The following CCDC77 variants were observed in gnomAD, a reference collection of about 807,000 sequenced individuals.
CCDC77 encodes coiled-coil domain containing 77, also known as coiled-coil domain-containing protein 77.
A neutral mutation model predicts 66.8 loss-of-function variants in CCDC77; 56 were observed. That is an observed-to-expected ratio of 0.84 (90% CI 0.68 to 1.05). The LOEUF is 1.05. Ranked by LOEUF, CCDC77 falls within the 50% of genes least tolerant of loss-of-function variation. CCDC77 has a pLI of 0.00. For synonymous variants in CCDC77, 196 were observed against 195.2 expected, an observed-to-expected ratio of 1.00 and a Z score of -0.03; for missense variants, 570 against 576.8, an observed-to-expected ratio of 0.99 and a Z score of 0.12.
intron 4 of CCDC77, among the ~76,000 whole-genome samples, chr12:413,185 A>T (rs1315127851): frequency 6.9e-6 from 1 of 145,850 alleles, no homozygotes; most frequent in African/African-American, 2.6e-5. Context: ...TGATCTGCCC[A>T]CCTCGGCCTC....
At chr12:422,192 T>TA (rs144287663) in intron 5 of CCDC77, among the ~76,000 whole-genome samples, 4,482 of 82,296 alleles carry the variant, frequency 0.054, no homozygotes, top group Non-Finnish European at 0.11. Context: ...AGTGAGAGGG[T>TA]AAATACACAC....
rs187453067 is a variant in CCDC77, at chr12:404,115, G to A, written c.-70-1396G>A. 9.7e-4 allele frequency among the ~76,000 whole-genome samples: 148 copies of A among 152,274 alleles called. 3 individuals carry two copies. In the East Asian group the frequency reaches 0.026, roughly 27 times the overall value. ...GTGGATCATCTGAGGTCAGGAGTTCGAGACCAGCCTGGCCAACATGGCGAA... is the reference window on the plus strand; with the variant it reads ...GTGGATCATCTGAGGTCAGGAGTTCAAGACCAGCCTGGCCAACATGGCGAA... On this transcript the variant is annotated intron_variant, in intron 1 of 12. Coordinates refer to ENST00000239830, the MANE Select transcript of CCDC77 (RefSeq NM_032358.4).
chr12:410,153 C>A (rs990889401), intron 3 of CCDC77, among the ~76,000 whole-genome samples: 1 of 152,136 alleles, frequency 6.6e-6, no homozygotes, highest in Non-Finnish European at 1.5e-5. Flanking sequence ...TTAACTATAA[C>A]TCAGAGCTTC....
rs1278150894 is a variant in CCDC77 at position 403,441 on chromosome 12, A to C, written c.-71+1757A>C. On this transcript the variant is annotated intron_variant, in intron 1 of 12. Transcript: ENST00000239830. ...CTAATAAGAGGCAGGGCTTTGACTC[A>C]AACCCAAGTCTGATATCAGAGCCCA... 2.6e-5 allele frequency among the ~76,000 whole-genome samples: 4 copies of C among 152,356 alleles called. No individual in the cohort carries two copies. The East Asian group carries it at 5.8e-4, about 22-fold the overall frequency.
intron 2 of CCDC77, 66 bp from the exon 3 acceptor site, chr12:409,302 T>C: frequency 8.9e-7 from 1 of 1,118,074 alleles, no homozygotes. Context: ...GGAACCAGTC[T>C]AATCCTGTAC....
intron 9 of CCDC77, among the ~76,000 whole-genome samples, chr12:437,529 C>T (rs1240298745): frequency 6.6e-6 from 1 of 152,086 alleles, no homozygotes; most frequent in Non-Finnish European, 1.5e-5. Context: ...GAAATGACTT[C>T]ATACAGGAAG....
In CCDC77 at chr12:433,378, A is replaced by G. The variant is rs1015139703; in HGVS notation, c.821+56A>G. The G allele has an allele frequency of 3.1e-6, 5 of 1,593,128 alleles. No homozygotes were observed. The East Asian group carries it at 6.7e-5, about 21-fold the overall frequency. ...GTATTGTATTTTTCTGAGTGACTTAAAAGTTAACATTTTGTACTTGAACAA... is the reference window on the plus strand; with the variant it reads ...GTATTGTATTTTTCTGAGTGACTTAGAAGTTAACATTTTGTACTTGAACAA... On this transcript the variant is annotated intron_variant, in intron 9 of 12. Coordinates refer to ENST00000239830, the MANE Select transcript of CCDC77 (RefSeq NM_032358.4).
At position 423,477 on chromosome 12, in the gene CCDC77, G is replaced by GTTTTTTTTTTTTTTTTTTTTTTT. The variant is rs1565572179; in HGVS notation, c.413+4842_413+4843insTTTTTTTTTTTTTTTTTTTTTTT. On this transcript the variant is annotated intron_variant, in intron 5 of 12. Transcript: ENST00000239830. ...TTTCTGGGTGTTTTTTGTGTTTTTT[G>GTTTTTTTTTTTTTTTTTTTTTTT]TGTTTTTTTTTGTTTTGTTTTTTTT... Among the ~76,000 whole-genome samples the GTTTTTTTTTTTTTTTTTTTTTTT allele has an allele frequency of 2.4e-4, 6 of 24,958 alleles. 2 individuals are homozygous for GTTTTTTTTTTTTTTTTTTTTTTT. Among genetic ancestry groups the GTTTTTTTTTTTTTTTTTTTTTTT allele is most frequent in the African/African-American group, 5.8e-4 (6 of 10,370 alleles). 16.4% of individuals were successfully genotyped at this position (24,958 alleles called of 152,430 possible).
intron 1 of CCDC77, among the ~76,000 whole-genome samples, chr12:404,956 A>C (rs1380274766): frequency 6.6e-6 from 1 of 152,110 alleles, no homozygotes; most frequent in African/African-American, 2.4e-5. Context: ...TCCTGACCTC[A>C]GGTGATCCGC....
intron 4 of CCDC77, among the ~76,000 whole-genome samples, chr12:415,296 A>T (rs954014164): frequency 1.7e-5 from 2 of 117,532 alleles, no homozygotes; most frequent in Non-Finnish European, 3.4e-5. Context: ...ATGTTAATAT[A>T]ATCAACATAA....
At chr12:428,234 C>G (rs572865959) in intron 5 of CCDC77, among the ~76,000 whole-genome samples, 2 of 152,002 alleles carry the variant, frequency 1.3e-5, no homozygotes, top group Non-Finnish European at 2.9e-5. Context: ...AAGAAGTGGC[C>G]GGGCGCAGTG....
intron 12 of CCDC77, 32 bp downstream of exon 12, chr12:441,028 G>A (rs1565579616): frequency 6.2e-7 from 1 of 1,602,202 alleles, no homozygotes. Context: ...CCACGAGGGA[G>A]AGAAGAGGTG....
intron 4 of CCDC77, among the ~76,000 whole-genome samples, chr12:414,863 A>G (rs60363415): frequency 0.029 from 4,379 of 152,122 alleles, 215 homozygotes; most frequent in African/African-American, 0.1. Context: ...CTAAACTGTG[A>G]CGGTGTCCTC....
At chr12:411,578 A>G (rs999880212) in intron 3 of CCDC77, among the ~76,000 whole-genome samples, 169 bp from the exon 4 acceptor site, 3 of 152,030 alleles carry the variant, frequency 2.0e-5, no homozygotes, top group African/African-American at 4.8e-5. Context: ...TTGGCCTCCA[A>G]AAGTGCTGGG....
chr12:411,643 A>T, intron 3 of CCDC77, 104 bp from the exon 4 acceptor site: 1 of 935,190 alleles, frequency 1.1e-6, no homozygotes, highest in Non-Finnish European at 1.6e-6. Flanking sequence ...TGAGCACCTT[A>T]ATTATAAGCA....
At position 431,663 on chromosome 12, in the gene CCDC77, T is replaced by G. The variant is rs534472121; in HGVS notation, c.584-203T>G. Among the ~76,000 whole-genome samples, 3 of 152,342 alleles carry G rather than the reference T, an allele frequency of 2.0e-5. No individual in the cohort carries two copies. In the East Asian group the frequency reaches 5.8e-4, roughly 29 times the overall value. On this transcript the variant is annotated intron_variant, in intron 7 of 12. Coordinates refer to ENST00000239830, the MANE Select transcript of CCDC77 (RefSeq NM_032358.4). ...TAGGTGACATCCTGCAGAGTTCCCT[T>G]ATAGAGATTCCTATTTGAAAAGTTA...
chr12:427,269 G>A (rs567974204), intron 5 of CCDC77, among the ~76,000 whole-genome samples: 10 of 151,270 alleles, frequency 6.6e-5, no homozygotes, highest in Admixed American at 4.6e-4. Context: ...AAACGGACTC[G>A]GGCCTGAAAA....
At chr12:415,378 A>G (rs71435006) in intron 4 of CCDC77, among the ~76,000 whole-genome samples, 34,677 of 107,174 alleles carry the variant, frequency 0.32, 8,927 homozygotes, top group Non-Finnish European at 0.46. Flanking sequence ...TATAATCAAC[A>G]TAATATTATG....
In CCDC77 at chr12:440,630, A is replaced by G. The variant is rs749142389; in HGVS notation, c.1055A>G (p.Lys352Arg). ...QSEYIKSLKD[K>R]LVQEKKLSNM... ...TTTGACTTGTAGTCCCTAAAAGATA[A>G]GTTAGTACAAGAGAAAAAGCTGTCC... The change falls in exon 11 of 13, where the codon AAG (lysine) becomes AGG (arginine). Residue 352 changes from lysine (K) to arginine (R), a missense_variant. Coordinates refer to ENST00000239830, the MANE Select transcript of CCDC77 (RefSeq NM_032358.4). 22 of 1,614,006 alleles carry G rather than the reference A, an allele frequency of 1.4e-5. No homozygotes were observed. Among genetic ancestry groups the G allele is most frequent in the African/African-American group, 2.7e-5 (2 of 74,932 alleles).
Sources: allele counts gnomAD v4.1 joint callset (sites outside exome capture counted in the v4.1 genomes callset), GRCh38; gene constraint gnomAD v4.1.1; transcripts MANE v1.5; gene names NCBI Gene and HGNC (gene_info 2026-07-23, HGNC 2026-07-21).